The following RFLNA variants were observed in gnomAD, a reference collection of about 807,000 sequenced individuals.
RFLNA encodes the protein refilin A, also known as refilin-A.
RFLNA carries 5 observed loss-of-function variants against 7.8 expected under a neutral mutation model. The observed-to-expected ratio is 0.64, with a 90% CI of 0.34 to 1.35. The LOEUF is 1.35. RFLNA is among the 40% of genes most tolerant of loss of function. The pLI is 0.04. For missense variants in RFLNA, 278 were observed against 305.5 expected (o/e 0.91, Z 0.67); for synonymous variants, 141 against 131.3 (o/e 1.07, Z -0.50).
Position 124,306,243 on chromosome 12 carries a change from G to A in RFLNA, c.208-5575G>A, listed in dbSNP as rs1049400070. On this transcript the variant is annotated intron_variant, in intron 1 of 2. Coordinates refer to ENST00000546355, the MANE Select transcript of RFLNA (RefSeq NM_001365156.1). This position sits in a 1 kb window ranked among gnomAD's most constrained non-coding sequence, Gnocchi z 5.2. The stretch of plus-strand genomic sequence containing the variant: ...CTGCTTCTCTGGGGGTGACAGACAC[G>A]CAAAGGGGTTATCGCGATGAAGGCC... Among the ~76,000 whole-genome samples, 41 of 152,286 alleles carry A rather than the reference G, an allele frequency of 2.7e-4. No individual in the cohort carries two copies. Among genetic ancestry groups the A allele is most frequent in the Admixed American group, 2.4e-3 (37 of 15,302 alleles).
intron 1 of RFLNA, among the ~76,000 whole-genome samples, chr12:124,305,043 T>C (rs2034114327): frequency 6.6e-6 from 1 of 152,216 alleles, no homozygotes; most frequent in African/African-American, 2.4e-5. Context: ...CTGGGGTCAG[T>C]GTTGACTGAA....
chr12:124,301,859 G>A (rs1301167887), intron 1 of RFLNA, among the ~76,000 whole-genome samples: 1 of 152,154 alleles, frequency 6.6e-6, no homozygotes, highest in Non-Finnish European at 1.5e-5. Flanking sequence ...TCCCAGAGCT[G>A]CCGTGACAAA....
intron 1 of RFLNA, among the ~76,000 whole-genome samples, chr12:124,297,461 A>G (rs1407659969): frequency 6.6e-6 from 1 of 152,078 alleles, no homozygotes; most frequent in African/African-American, 2.4e-5. Context: ...TAAGCTCTTT[A>G]TTTACACCAA....
intron 1 of RFLNA, among the ~76,000 whole-genome samples, chr12:124,299,220 T>C (rs1278761728): frequency 1.3e-5 from 2 of 152,352 alleles, no homozygotes; most frequent in African/African-American, 4.8e-5. Context: ...TTTGCATCAG[T>C]GTAGGGCGTG....
chr12:124,313,765 A>C (rs1164594330), intron 2 of RFLNA, among the ~76,000 whole-genome samples: 1 of 152,054 alleles, frequency 6.6e-6, no homozygotes, highest in Non-Finnish European at 1.5e-5. Context: ...GATTGGTGAC[A>C]TCCTGCCCTT....
upstream of RFLNA, among the ~76,000 whole-genome samples, chr12:124,294,886 G>C (rs1246169259): frequency 6.6e-6 from 1 of 152,238 alleles, no homozygotes; most frequent in African/African-American, 2.4e-5. Flanking sequence ...GGCACCCTCG[G>C]TGCGCCAGTG....
intron 1 of RFLNA, among the ~76,000 whole-genome samples, chr12:124,301,109 ACAGC>A (rs1313554337): frequency 6.6e-6 from 1 of 152,192 alleles, no homozygotes; most frequent in Admixed American, 6.5e-5. Flanking sequence ...AAGGTGGAAG[ACAGC>A]CAGGTATGTC....
intron 1 of RFLNA, among the ~76,000 whole-genome samples, chr12:124,309,243 G>T (rs1242329167): frequency 6.6e-6 from 1 of 152,172 alleles, no homozygotes; most frequent in Non-Finnish European, 1.5e-5. Context: ...ACTGCACAGG[G>T]AAGCACTCCC....
upstream of RFLNA, among the ~76,000 whole-genome samples, chr12:124,290,584 G>T (rs1395716867): frequency 6.6e-6 from 1 of 152,184 alleles, no homozygotes; most frequent in African/African-American, 2.4e-5. The surrounding 1 kb of genome is among the most constrained non-coding windows in gnomAD (Gnocchi z 4.0). Context: ...GTGTGCATAT[G>T]TGTGCTTGTG....
chr12:124,311,702 A>G lies in RFLNA; in HGVS notation c.208-116A>G, dbSNP rs1188159889. 6.0e-6 allele frequency: 6 copies of G among 998,722 alleles called. No individual in the cohort carries two copies. The South Asian group carries it at 6.4e-5, about 11-fold the overall frequency. 61.9% of individuals were successfully genotyped at this position (998,722 alleles called of 1,614,324 possible). Reference sequence around the variant, plus strand: ...GGCTTCCTGATGGGCCCCACCAAGCAGCTTCCAGACCAAGCCAGGGCCAGA... The same window carrying G: ...GGCTTCCTGATGGGCCCCACCAAGCGGCTTCCAGACCAAGCCAGGGCCAGA... On this transcript the variant is annotated intron_variant, in intron 1 of 2. Transcript: ENST00000546355.
chr12:124,312,347 G>T lies in RFLNA; in HGVS notation c.317+420G>T, dbSNP rs190038628. On this transcript the variant is annotated intron_variant, in intron 2 of 2. Transcript: ENST00000546355. ...TTTTTTTTTGATGGGATCTCACTGT[G>T]TCACCCAGGCTGAAGTGCAGTGGTG... 4.5e-4 allele frequency among the ~76,000 whole-genome samples: 66 copies of T among 147,252 alleles called. 1 individual carries two copies. Among genetic ancestry groups the T allele is most frequent in the Admixed American group, 4.3e-3 (64 of 14,864 alleles).
In RFLNA at chr12:124,315,503, T is replaced by G. The variant is rs2034335562; in HGVS notation, c.*978T>G. On this transcript the variant is annotated 3_prime_UTR_variant, in exon 3 of 3. Coordinates refer to ENST00000546355, the MANE Select transcript of RFLNA (RefSeq NM_001365156.1). The stretch of plus-strand genomic sequence containing the variant: ...CTGCCGCCCTCAGCCTGCATTCCTG[T>G]GCGCAATCGATTCCGCAATGACAGC... The G allele has an allele frequency of 6.6e-6, 1 of 152,258 alleles. No individual in the cohort carries two copies. Among genetic ancestry groups the G allele is most frequent in the Admixed American group, 6.5e-5 (1 of 15,294 alleles). 9.4% of individuals were successfully genotyped at this position (152,258 alleles called of 1,614,324 possible).
chr12:124,292,591 C>A (rs143884364), upstream of RFLNA, among the ~76,000 whole-genome samples: 813 of 152,324 alleles, frequency 5.3e-3, 8 homozygotes, highest in African/African-American at 0.019. Flanking sequence ...GTCACTGGGG[C>A]CATCAGTGTG....
rs1490526467 is a variant in RFLNA, at chr12:124,289,547, AAGGC to A, written c.-37+179_-37+182del. Among the ~76,000 whole-genome samples the A allele has an allele frequency of 6.6e-6, 1 of 152,232 alleles. No individual in the cohort carries two copies. Among genetic ancestry groups the A allele is most frequent in the African/African-American group, 2.4e-5 (1 of 41,470 alleles). ...GGCAGCAGAACGTATGCCCAGGTCA[AAGGC>A]ACTTTGAATTCATTTTGTCCCCGCT... On this transcript the variant is annotated intron_variant, in intron 1 of 2. Coordinates refer to the RFLNA transcript ENST00000324038. This position sits in a 1 kb window ranked among gnomAD's most constrained non-coding sequence, Gnocchi z 5.0.
At chr12:124,311,359 C>T (rs113070860) in intron 1 of RFLNA, among the ~76,000 whole-genome samples, 3,655 of 107,994 alleles carry the variant, frequency 0.034, 165 homozygotes, top group African/African-American at 0.13. Flanking sequence ...GCCACAGACA[C>T]AGGTGTGGTG....
At chr12:124,308,695 G>A (rs1251993826) in intron 1 of RFLNA, among the ~76,000 whole-genome samples, 1 of 152,234 alleles carries the variant, frequency 6.6e-6, no homozygotes, top group African/African-American at 2.4e-5. Flanking sequence ...AGAGCCAGGG[G>A]CAAACCCGGG....
intron 1 of RFLNA, among the ~76,000 whole-genome samples, chr12:124,308,291 G>A (rs1340178018): frequency 3.3e-5 from 5 of 152,156 alleles, no homozygotes; most frequent in Non-Finnish European, 5.9e-5. Flanking sequence ...CTGTGTCCAC[G>A]CTTCTTGTAG....
At chr12:124,305,768 A>C (rs1045717144) in intron 1 of RFLNA, among the ~76,000 whole-genome samples, 4 of 152,224 alleles carry the variant, frequency 2.6e-5, no homozygotes, top group Non-Finnish European at 5.9e-5. Flanking sequence ...TCACATCTGC[A>C]AAGTCCCTTT....
chr12:124,308,729 T>C (rs191565709), intron 1 of RFLNA, among the ~76,000 whole-genome samples: 1 of 152,286 alleles, frequency 6.6e-6, no homozygotes, highest in South Asian at 2.1e-4. Flanking sequence ...GCAGCCTGAG[T>C]GGCTCTGGGA....
Sources: gnomAD v4.1 joint callset for allele counts (sites outside exome capture counted in the v4.1 genomes callset) on GRCh38, gnomAD v4.1.1 for gene constraint, Gnocchi (gnomAD v3.1) non-coding constraint, MANE v1.5 for transcripts, NCBI Gene and HGNC (gene_info 2026-07-23, HGNC 2026-07-21) for gene names.